PCDHGA2: variants seen among roughly 807,000 people sequenced by gnomAD.
The protein encoded by PCDHGA2 is protocadherin gamma-A2.
In PCDHGA2, 40 loss-of-function variants were observed where a neutral mutation model predicts 59.2. The ratio of observed to expected loss-of-function variants is 0.68; its 90% CI spans 0.52 to 0.88. The LOEUF is 0.88. Among genes scored for constraint, PCDHGA2 ranks in the 40% least tolerant of loss-of-function variants. The pLI, the probability that PCDHGA2 is intolerant of heterozygous loss-of-function variation, is 0.00. For missense variants in PCDHGA2, 1,226 were observed against 1,204.0 expected (o/e 1.02, Z -0.27); for synonymous variants, 560 against 526.0 (o/e 1.06, Z -0.89).
At position 141,372,283 on chromosome 5, in the gene PCDHGA2, G is replaced by T. The variant is rs749946527; in HGVS notation, c.2424+30888G>T. On this transcript the variant is annotated intron_variant, in intron 1 of 3. Coordinates refer to ENST00000394576, the MANE Select transcript of PCDHGA2 (RefSeq NM_018915.4). Reference sequence around the variant, plus strand: ...CGCACGGGTGAGGTGCGCACGGCGCGTACCTTGGGCGACAGGGAGGCCGCC... The same window carrying T: ...CGCACGGGTGAGGTGCGCACGGCGCTTACCTTGGGCGACAGGGAGGCCGCC... 2.9e-5 allele frequency: 47 copies of T among 1,613,080 alleles called. No individual in the cohort carries two copies. Among genetic ancestry groups the T allele is most frequent in the Non-Finnish European group, 2.7e-5 (32 of 1,179,872 alleles).
Position 141,476,110 on chromosome 5 carries a change from G to A in PCDHGA2, c.2425-18697G>A. ...GACCCCGCTGAGAGGAACTGCTTTT[G>A]AGTGAGATGGTCCCAGAGGCCTGGA... On this transcript the variant is annotated intron_variant, in intron 1 of 3. Transcript: ENST00000394576. The surrounding 1 kb of genome is among the most constrained non-coding windows in gnomAD (Gnocchi z 7.6). 1.9e-6 allele frequency: 3 copies of A among 1,589,382 alleles called. No homozygotes were observed. The highest frequency in any genetic ancestry group is 2.6e-6 in the Non-Finnish European group (3 of 1,170,364).
At chr5:141,382,943 T>G in intron 1 of PCDHGA2, 2 of 1,596,184 alleles carry the variant, frequency 1.3e-6, no homozygotes, top group African/African-American at 1.3e-5. Flanking sequence ...GGATTCTTCC[T>G]GCTCTCCATC....
At chr5:141,346,206 C>T (rs1219686789) in intron 1 of PCDHGA2, 1 of 1,614,156 alleles carries the variant, frequency 6.2e-7, no homozygotes, top group South Asian at 1.1e-5. Context: ...GTCACGCCTG[C>T]TGCAGGCTTC....
intron 1 of PCDHGA2, among the ~76,000 whole-genome samples, chr5:141,363,501 C>A (rs187528196): frequency 6.6e-6 from 1 of 152,306 alleles, no homozygotes; most frequent in East Asian, 1.9e-4. Flanking sequence ...AATAAAACCC[C>A]ATCCTCCACA....
chr5:141,374,241 G>T lies in PCDHGA2; in HGVS notation c.2424+32846G>T, dbSNP rs761928573. The T allele has an allele frequency of 2.5e-6, 4 of 1,614,020 alleles. No homozygotes were observed. In the Admixed American group the frequency reaches 6.7e-5, roughly 27 times the overall value. On this transcript the variant is annotated intron_variant, in intron 1 of 3. Transcript: ENST00000394576. Reference sequence around the variant, plus strand: ...GTAGGCAACATCGTCAAGGATCTGGGACTGGAGCCCCAGGAGTTGGCGGAG... The same window carrying T: ...GTAGGCAACATCGTCAAGGATCTGGTACTGGAGCCCCAGGAGTTGGCGGAG...
Position 141,491,730 on chromosome 5 carries a change from C to A in PCDHGA2, c.2425-3077C>A, listed in dbSNP as rs1346666614. ...GGGGCTCGGCGCCGCCCCGGGCGAC[C>A]CCTGGGGGCGGCACTGGAGAAGCCG... On this transcript the variant is annotated intron_variant, in intron 1 of 3. Coordinates refer to ENST00000394576, the MANE Select transcript of PCDHGA2 (RefSeq NM_018915.4). This position sits in a 1 kb window ranked among gnomAD's most constrained non-coding sequence, Gnocchi z 6.9. 3.1e-6 allele frequency: 5 copies of A among 1,603,920 alleles called. No individual in the cohort carries two copies. The East Asian group carries it at 6.7e-5, about 22-fold the overall frequency.
At chr5:141,400,268 C>T (rs976476082) in intron 1 of PCDHGA2, 3 of 1,613,962 alleles carry the variant, frequency 1.9e-6, no homozygotes, top group East Asian at 4.5e-5. Flanking sequence ...CTGCGACGCT[C>T]CTCCAGCCCT....
rs1757016901 is a variant in PCDHGA2 at position 141,341,057 on chromosome 5, G to A, written c.2086G>A (p.Ala696Thr). 6.2e-7 allele frequency: 1 copy of A among 1,614,188 alleles called. No individual in the cohort carries two copies. Among genetic ancestry groups the A allele is most frequent in the South Asian group, 1.1e-5 (1 of 91,082 alleles). Residue 696 changes from alanine to threonine, a missense_variant, in exon 1 of 4, where the codon GCG (alanine) becomes ACG (threonine). Ala to Thr is a moderately conservative substitution (Grantham distance 58, BLOSUM62 0). Coordinates refer to ENST00000394576, the MANE Select transcript of PCDHGA2 (RefSeq NM_018915.4). The part of the protein sequence containing the change: ...DSDLTLYLVV[A>T]VAAVSCVFLA... Reference sequence around the variant, plus strand: ...GGACCTCACTCTGTACCTGGTGGTGGCGGTGGCCGCGGTCTCCTGCGTCTT... The same window carrying A: ...GGACCTCACTCTGTACCTGGTGGTGACGGTGGCCGCGGTCTCCTGCGTCTT...
chr5:141,384,735 C>T (rs1258816819), intron 1 of PCDHGA2: 9 of 1,614,026 alleles, frequency 5.6e-6, no homozygotes, highest in Non-Finnish European at 6.8e-6. Flanking sequence ...TTAAGGCCAG[C>T]GAGCCAGGAC....
intron 1 of PCDHGA2, among the ~76,000 whole-genome samples, chr5:141,475,339 T>C (rs1295364417): frequency 1.3e-5 from 2 of 152,188 alleles, no homozygotes; most frequent in Non-Finnish European, 2.9e-5. Flanking sequence ...AACAATGACA[T>C]CCAGTTTTAA....
intron 1 of PCDHGA2, chr5:141,356,437 G>C (rs1760223098): frequency 6.2e-7 from 1 of 1,611,268 alleles, no homozygotes; most frequent in Non-Finnish European, 8.5e-7. Context: ...ACTGGACAGG[G>C]AAGAAGTCTC....
intron 1 of PCDHGA2, among the ~76,000 whole-genome samples, chr5:141,483,997 T>G (rs2099590025): frequency 8.6e-5 from 6 of 69,516 alleles, no homozygotes; most frequent in East Asian, 4.4e-4. Context: ...TGCTGGGAGG[T>G]CTGGATGAGG....
At chr5:141,444,138 C>CTTGTGTG (rs2098418688) in intron 1 of PCDHGA2, among the ~76,000 whole-genome samples, 1 of 122,946 alleles carries the variant, frequency 8.1e-6, no homozygotes, top group South Asian at 2.7e-4. Flanking sequence ...ATATGTGTCA[C>CTTGTGTG]TTGTGTGTAC....
At chr5:141,366,100 G>A (rs1380197041) in intron 1 of PCDHGA2, 1 of 1,614,140 alleles carries the variant, frequency 6.2e-7, no homozygotes, top group Non-Finnish European at 8.5e-7. Flanking sequence ...TGGTGACCAA[G>A]GTGGTAGCGG....
Position 141,491,410 on chromosome 5 carries a change from GA to G in PCDHGA2, c.2425-3396del. 1 of 1,614,142 alleles carries G rather than the reference GA, an allele frequency of 6.2e-7. No homozygotes were observed. The highest frequency in any genetic ancestry group is 8.5e-7 in the Non-Finnish European group (1 of 1,180,034). On this transcript the variant is annotated intron_variant, in intron 1 of 3. Coordinates refer to ENST00000394576, the MANE Select transcript of PCDHGA2 (RefSeq NM_018915.4). This position sits in a 1 kb window ranked among gnomAD's most constrained non-coding sequence, Gnocchi z 6.9. ...GTGCCTTCAGGGAAACGCAGACGGG[GA>G]CGGGGGTGGAGGGCAGTGCTGCAGG...
chr5:141,487,181 C>T lies in PCDHGA2; in HGVS notation c.2425-7626C>T. 3 of 1,612,732 alleles carry T rather than the reference C, an allele frequency of 1.9e-6. No individual in the cohort carries two copies. The highest frequency in any genetic ancestry group is 1.1e-5 in the South Asian group (1 of 91,060). ...CTTAGTGTCCTTAGAGGAAGACACT[C>T]ATCCAGTTGTCCCAGATCTTCGAGA... On this transcript the variant is annotated intron_variant, in intron 1 of 3. Transcript: ENST00000394576. This position sits in a 1 kb window ranked among gnomAD's most constrained non-coding sequence, Gnocchi z 5.0.
chr5:141,393,572 G>A, intron 1 of PCDHGA2: 1 of 1,613,908 alleles, frequency 6.2e-7, no homozygotes, highest in Non-Finnish European at 8.5e-7. Context: ...AAGTCCTTGA[G>A]AACATGCCCC....
intron 1 of PCDHGA2, chr5:141,376,356 CA>C (rs1259525756): frequency 2.5e-6 from 4 of 1,614,228 alleles, no homozygotes; most frequent in Non-Finnish European, 1.7e-6. Context: ...CACGAGGTCT[CA>C]CTCACTGCAG....
intron 1 of PCDHGA2, chr5:141,389,562 G>T (rs1561626191): frequency 1.2e-6 from 2 of 1,613,284 alleles, no homozygotes; most frequent in Non-Finnish European, 1.7e-6. Context: ...TGCGCCACGG[G>T]TGCTGTACCC....
Sources: gnomAD v4.1 joint callset for allele counts (sites outside exome capture counted in the v4.1 genomes callset) on GRCh38, gnomAD v4.1.1 for gene constraint, Gnocchi (gnomAD v3.1) non-coding constraint, MANE v1.5 for transcripts, NCBI Gene and HGNC (gene_info 2026-07-23, HGNC 2026-07-21) for gene names.